The following TEX52 variants were observed in gnomAD, a reference collection of about 807,000 sequenced individuals.
TEX52 encodes testis expressed 52.
TEX52 carries 22 observed loss-of-function variants against 17.6 expected under a neutral mutation model. The observed-to-expected ratio is 1.25, with a 90% CI of 0.89 to 1.78. The LOEUF is 1.78. Among genes scored for constraint, TEX52 ranks in the 40% most tolerant of loss-of-function variants. The pLI is 0.00. For missense variants in TEX52, 396 were observed against 372.3 expected (o/e 1.06, Z -0.52); for synonymous variants, 168 against 147.4 (o/e 1.14, Z -1.01).
At chr12:2,850,063 C>G (rs1174403098) in intron 2 of TEX52, among the ~76,000 whole-genome samples, 2 of 152,176 alleles carry the variant, frequency 1.3e-5, no homozygotes, top group African/African-American at 2.4e-5. Flanking sequence ...TGCAGGGGCT[C>G]TCAGCCTGGC....
Position 2,855,116 on chromosome 12 carries a change from T to TG in TEX52, c.402dup (p.Thr135HisfsTer54), listed in dbSNP as rs752045113. 8.5e-6 allele frequency: 13 copies of TG among 1,531,798 alleles called. No homozygotes were observed. Among genetic ancestry groups the TG allele is most frequent in the East Asian group, 7.4e-5 (3 of 40,704 alleles). 94.9% of individuals were successfully genotyped at this position (1,531,798 alleles called of 1,614,324 possible). A position where few individuals can be genotyped will look rare whatever the true frequency, so the allele number is the denominator to read the frequency against. ...GAGGGAGGGGGGATGGGGTGCTCCGTGGGGGGGCATCTGTGGGCATTGGAG... is the reference window on the plus strand; with the variant it reads ...GAGGGAGGGGGGATGGGGTGCTCCGTGGGGGGGGCATCTGTGGGCATTGGAG... On this transcript the variant is annotated frameshift_variant, in exon 2 of 3. Coordinates refer to ENST00000637658, the MANE Select transcript of TEX52 (RefSeq NM_001365174.2). LOFTEE classifies it high-confidence loss of function.
At chr12:2,856,272 C>A (rs193058283) in intron 1 of TEX52, among the ~76,000 whole-genome samples, 7 of 152,290 alleles carry the variant, frequency 4.6e-5, no homozygotes, top group African/African-American at 1.7e-4. Context: ...GCATACCATG[C>A]TGGGTGAAAT....
At position 2,855,292 on chromosome 12, in the gene TEX52, T is replaced by C. The variant is rs1178369540; in HGVS notation, c.227A>G (p.Lys76Arg). Reference sequence around the variant, plus strand: ...AGGGTGGATGAGCCGCTGACGCACCTTGGACTTCATATCTGTGCAGGGCGG... The same window carrying C: ...AGGGTGGATGAGCCGCTGACGCACCCTGGACTTCATATCTGTGCAGGGCGG... ...KLPPCTDMKS[K>R]VRQRLIHPWK... is the part of the protein sequence containing the mutation. The change falls in exon 2 of 3, where the codon AAG becomes AGG. Residue 76 changes from lysine (K) to arginine (R), a missense_variant. Coordinates refer to ENST00000637658, the MANE Select transcript of TEX52 (RefSeq NM_001365174.2). 1.3e-6 allele frequency: 2 copies of C among 1,524,116 alleles called. No homozygotes were observed. Among genetic ancestry groups the C allele is most frequent in the Admixed American group, 2.0e-5 (1 of 50,516 alleles). 94.4% of individuals were successfully genotyped at this position (1,524,116 alleles called of 1,614,324 possible).
rs576869072 is a variant in TEX52, at chr12:2,854,316, C to T, written c.623+580G>A. On this transcript the variant is annotated intron_variant, in intron 2 of 2. Transcript: ENST00000637658. ...CTGGGATTACAGGCGTGAGCCACCA[C>T]GCCCTGCCATAACATCTAACTTTTG... Among the ~76,000 whole-genome samples the T allele has an allele frequency of 3.0e-4, 45 of 152,346 alleles. No homozygotes were observed. In the East Asian group the frequency reaches 7.0e-3, roughly 24 times the overall value.
In TEX52 at chr12:2,850,033, T is replaced by C. The variant is rs2334869; in HGVS notation, c.624-508A>G. On this transcript the variant is annotated intron_variant, in intron 2 of 2. Coordinates refer to ENST00000637658, the MANE Select transcript of TEX52 (RefSeq NM_001365174.2). Reference sequence around the variant, plus strand: ...GCCCCTGGTTCGGCAGATAGTCCCCTGTTTGCTGTTGTTGGTTTATGCAGG... The same window carrying C: ...GCCCCTGGTTCGGCAGATAGTCCCCCGTTTGCTGTTGTTGGTTTATGCAGG... 8.8e-3 allele frequency among the ~76,000 whole-genome samples: 1,334 copies of C among 152,232 alleles called. 17 individuals carry two copies. The highest frequency in any genetic ancestry group is 0.03 in the African/African-American group (1,259 of 41,544).
intron 1 of TEX52, among the ~76,000 whole-genome samples, chr12:2,856,397 T>G (rs544891356): frequency 7.9e-5 from 12 of 152,304 alleles, no homozygotes; most frequent in African/African-American, 2.9e-4. Flanking sequence ...GGAGTTTCAC[T>G]CTTGTTACCC....
chr12:2,854,265 TC>T (rs1200353088), intron 2 of TEX52, among the ~76,000 whole-genome samples: 1 of 152,204 alleles, frequency 6.6e-6, no homozygotes, highest in Non-Finnish European at 1.5e-5. Context: ...CCTCAGGTGA[TC>T]CGGCCGCCTC....
At chr12:2,855,581 G>T in intron 1 of TEX52, 135 bp from the exon 2 acceptor site, 2 of 592,486 alleles carry the variant, frequency 3.4e-6, no homozygotes, top group Non-Finnish European at 5.3e-6. Context: ...AGAAGTCCTG[G>T]CAGGGCCGCA....
intron 1 of TEX52, among the ~76,000 whole-genome samples, chr12:2,856,565 G>GT (rs1483484984): frequency 5.3e-5 from 8 of 152,156 alleles, no homozygotes; most frequent in Non-Finnish European, 1.2e-4. Flanking sequence ...GTTTCATCAT[G>GT]TTGGCCAAGC....
rs772435919 is a variant in TEX52, at chr12:2,856,999, T to C, written c.28A>G (p.Arg10Gly). The C allele has an allele frequency of 1.0e-5, 7 of 703,000 alleles. No individual in the cohort carries two copies. In the South Asian group the frequency reaches 1.0e-4, roughly 10 times the overall value. The allele number at this position is 703,000 out of a possible 1,614,324, so 43.5% of individuals were successfully genotyped here. A position where few individuals can be genotyped will look rare whatever the true frequency, so the allele number is the denominator to read the frequency against. The change falls in exon 1 of 3, where the codon AGA (arginine) becomes GGA (glycine). Residue 10 changes from arginine to glycine, a missense_variant. Arg to Gly is a moderately radical substitution (Grantham distance 125). Coordinates refer to ENST00000637658, the MANE Select transcript of TEX52 (RefSeq NM_001365174.2). ...ATATGAGATGGGTGACTGGGCCCTC[T>C]GAGTGATCTTTGCCGGTTACTGGCC... MASNRQRSL[R>G]GPSHPSHMEE... is the part of the protein sequence containing the mutation.
At chr12:2,853,026 C>T (rs16927962) in intron 2 of TEX52, among the ~76,000 whole-genome samples, 4,713 of 151,190 alleles carry the variant, frequency 0.031, 110 homozygotes, top group Middle Eastern at 0.048. Flanking sequence ...CAAAAAAAAA[C>T]GGGGTTAATG....
rs1385036512 is a variant in TEX52 at position 2,855,180 on chromosome 12, G to T, written c.339C>A (p.Asp113Glu). The change falls in exon 2 of 3, where the codon GAC becomes GAA. Residue 113 changes from aspartate (D) to glutamate (E), a missense_variant. Coordinates refer to ENST00000637658, the MANE Select transcript of TEX52 (RefSeq NM_001365174.2). The part of the protein sequence containing the change: ...RLPATFPTQP[D>E]RPYDSNVWRW... ...GCCAGACATTGCTATCGTAGGGCCT[G>T]TCAGGCTGGGTGGGGAAGGTGGCAG... 32 of 1,512,456 alleles carry T rather than the reference G, an allele frequency of 2.1e-5. No individual in the cohort carries two copies. Among genetic ancestry groups the T allele is most frequent in the Middle Eastern group, 1.7e-4 (1 of 5,904 alleles). The allele number at this position is 1,512,456 out of a possible 1,614,324, so 93.7% of individuals were successfully genotyped here.
chr12:2,850,486 A>AAG (rs1181997153), intron 2 of TEX52, among the ~76,000 whole-genome samples: 5 of 150,748 alleles, frequency 3.3e-5, no homozygotes, highest in Non-Finnish European at 7.4e-5. Flanking sequence ...AAAAAAAAAA[A>AAG]AAAAAAAAAT....
chr12:2,854,094 T>C (rs2098079818), intron 2 of TEX52, among the ~76,000 whole-genome samples: 3 of 152,220 alleles, frequency 2.0e-5, no homozygotes, highest in South Asian at 4.1e-4. Flanking sequence ...GGCACCATCT[T>C]GGCTCACTGC....
rs1238279553 is a variant in TEX52 at position 2,849,289 on chromosome 12, T to C, written c.860A>G (p.Lys287Arg). The change falls in exon 3 of 3, where the codon AAG becomes AGG. Residue 287 changes from lysine to arginine, a missense_variant. Transcript: ENST00000637658. The part of the protein sequence containing the change: ...RTALPLHHLS[K>R]AQASKSPARK... ...TGCTGGGGATTTGCTTGCTTGTGCCTTGGAGAGATGGTGGAGGGGTAAGGC... is the reference window on the plus strand; with the variant it reads ...TGCTGGGGATTTGCTTGCTTGTGCCCTGGAGAGATGGTGGAGGGGTAAGGC... 6.5e-7 allele frequency: 1 copy of C among 1,536,110 alleles called. No homozygotes were observed. Among genetic ancestry groups the C allele is most frequent in the South Asian group, 1.2e-5 (1 of 84,048 alleles).
intron 1 of TEX52, among the ~76,000 whole-genome samples, chr12:2,855,893 A>G (rs1348981173): frequency 1.3e-5 from 2 of 152,076 alleles, no homozygotes; most frequent in Non-Finnish European, 2.9e-5. Flanking sequence ...GTATACCAGG[A>G]AAGTCCTCCA....
In TEX52 at chr12:2,855,222, G is replaced by A. The variant is rs780179027; in HGVS notation, c.297C>T (p.Leu99=). Residue 99 remains leucine, a synonymous_variant, in exon 2 of 3, where the codon CTC becomes CTT. Coordinates refer to ENST00000637658, the MANE Select transcript of TEX52 (RefSeq NM_001365174.2). The stretch of plus-strand genomic sequence containing the variant: ...AGGTGGCAGGCAGACGGCACACATC[G>A]AGCCACGTGTGAAAGCCCCAGGTGT... ...AQHTWGFHTW[L]DVCRLPATFP... is the part of the protein sequence containing the mutation. The A allele has an allele frequency of 1.3e-5, 20 of 1,505,690 alleles. No homozygotes were observed. The highest frequency in any genetic ancestry group is 2.8e-5 in the African/African-American group (2 of 72,500). The allele number at this position is 1,505,690 out of a possible 1,614,324, so 93.3% of individuals were successfully genotyped here.
rs1197524129 is a variant in TEX52, at chr12:2,857,009, T to C, written c.18A>G (p.Gln6=). 1.0e-5 allele frequency: 7 copies of C among 702,890 alleles called. No individual in the cohort carries two copies. The highest frequency in any genetic ancestry group is 1.8e-5 in the Non-Finnish European group (7 of 385,012). 43.5% of individuals were successfully genotyped at this position (702,890 alleles called of 1,614,324 possible). Residue 6 remains glutamine, a synonymous_variant, in exon 1 of 3, where the codon CAA becomes CAG. Transcript: ENST00000637658. MASNR[Q]RSLRGPSHPS... ...GGTGACTGGGCCCTCTGAGTGATCT[T>C]TGCCGGTTACTGGCCATTCTTCTGG... is the stretch of plus-strand genomic sequence containing the variant.
chr12:2,855,255 G>A lies in TEX52; in HGVS notation c.264C>T (p.Gly88=), dbSNP rs531686897. The A allele has an allele frequency of 1.0e-4, 157 of 1,510,088 alleles. No individual in the cohort carries two copies. Among genetic ancestry groups the A allele is most frequent in the Middle Eastern group, 3.4e-4 (2 of 5,852 alleles). The allele number at this position is 1,510,088 out of a possible 1,614,324, so 93.5% of individuals were successfully genotyped here. ...TGTGAAAGCCCCAGGTGTGCTGGGCGCCACCCTTCCAAGGGTGGATGAGCC... is the reference window on the plus strand; with the variant it reads ...TGTGAAAGCCCCAGGTGTGCTGGGCACCACCCTTCCAAGGGTGGATGAGCC... ...RQRLIHPWKG[G]AQHTWGFHTW... The change falls in exon 2 of 3, where the codon GGC becomes GGT. Residue 88 remains glycine (G), a synonymous_variant. Transcript: ENST00000637658.
Sources: gnomAD v4.1 joint callset for allele counts (sites outside exome capture counted in the v4.1 genomes callset) on GRCh38, gnomAD v4.1.1 for gene constraint, MANE v1.5 for transcripts, NCBI Gene and HGNC (gene_info 2026-07-23, HGNC 2026-07-21) for gene names.